Variants in SOD1 observed in about 807,000 individuals in gnomAD.
SOD1 encodes the protein superoxide dismutase 1.
SOD1 carries 8 observed loss-of-function variants against 15.9 expected under a neutral mutation model. The ratio of observed to expected loss-of-function variants is 0.50; its 90% CI spans 0.30 to 0.91. The LOEUF is 0.91. SOD1 is among the 40% of genes least tolerant of loss of function. SOD1 has a pLI of 0.07. For synonymous variants in SOD1, 86 were observed against 71.2 expected (o/e 1.21, Z -1.04); for missense variants, 137 against 194.5 (o/e 0.70, Z 1.76).
chr21:31,667,649 A>C (rs1302716095), intron 4 of SOD1, among the ~76,000 whole-genome samples: 1 of 152,234 alleles, frequency 6.6e-6, no homozygotes, highest in Non-Finnish European at 1.5e-5. Flanking sequence ...CTTTAGTTTT[A>C]AAATGGCCAG....
At position 31,666,523 on chromosome 21, in the gene SOD1, C is replaced by T. The variant is rs1160853166; in HGVS notation, c.239+5C>T. 16 of 1,599,568 alleles carry T rather than the reference C, an allele frequency of 1.0e-5. No homozygotes were observed. The highest frequency in any genetic ancestry group is 4.0e-5 in the African/African-American group (3 of 74,608). The stretch of plus-strand genomic sequence containing the variant: ...TGGGCCAAAGGATGAAGAGAGGTAA[C>T]AAGATGCTTAACTCTTGTAATAATG... On this transcript the variant is annotated splice_donor_5th_base_variant and intron_variant, in intron 3 of 4. Transcript: ENST00000270142.
At chr21:31,668,006 A>G (rs1482791852) in intron 4 of SOD1, among the ~76,000 whole-genome samples, 3 of 113,942 alleles carry the variant, frequency 2.6e-5, no homozygotes, top group Admixed American at 9.8e-5. Flanking sequence ...AATTCAAAAT[A>G]CTGTTGCTTA....
chr21:31,662,977 T>TG (rs1568808842), intron 1 of SOD1, among the ~76,000 whole-genome samples: 1 of 150,578 alleles, frequency 6.6e-6, no homozygotes, highest in Non-Finnish European at 1.5e-5. Flanking sequence ...ATCATGTCAC[T>TG]GCACTCCAGC....
intron 2 of SOD1, chr21:31,664,594 G>A (rs2049577395): frequency 6.5e-6 from 1 of 153,400 alleles, no homozygotes. Context: ...TTGTCTTACA[G>A]CATCATTGTA....
chr21:31,663,742 T>A (rs766078896), intron 1 of SOD1, 48 bp from the exon 2 acceptor site: 2 of 1,391,468 alleles, frequency 1.4e-6, no homozygotes, highest in South Asian at 2.3e-5. Context: ...GTAAATCAGC[T>A]GTTTTCTTTG....
chr21:31,667,408 TC>T, intron 4 of SOD1, 33 bp downstream of exon 4: 2 of 1,358,614 alleles, frequency 1.5e-6, no homozygotes, highest in Non-Finnish European at 2.1e-6. Context: ...GCATAAAACT[TC>T]TTCTAACATA....
chr21:31,660,708 G>GGTGA (rs998362330), intron 1 of SOD1: 17 of 152,180 alleles, frequency 1.1e-4, no homozygotes, highest in African/African-American at 4.1e-4. Flanking sequence ...CCTAGTGCAG[G>GGTGA]GTGAGTATTG....
chr21:31,663,372 T>C (rs1281527644), intron 1 of SOD1, among the ~76,000 whole-genome samples: 2 of 152,180 alleles, frequency 1.3e-5, no homozygotes, highest in East Asian at 3.8e-4. Context: ...TACATGTATA[T>C]TCAACATGTA....
intron 1 of SOD1, 138 bp downstream of exon 1, chr21:31,659,979 G>C (rs2049533750): frequency 1.3e-6 from 1 of 748,430 alleles, no homozygotes; most frequent in Admixed American, 3.0e-5. Flanking sequence ...CGTGCCGCCC[G>C]GTCGGTGCCT....
chr21:31,667,750 T>C lies in SOD1; in HGVS notation c.357+375T>C, dbSNP rs117466144. Among the ~76,000 whole-genome samples the C allele has an allele frequency of 2.6e-5, 4 of 152,334 alleles. No individual in the cohort carries two copies. In the East Asian group the frequency reaches 7.7e-4, roughly 29 times the overall value. Reference sequence around the variant, plus strand: ...GATGGACTTAAGTATTCATGTTCATTCATGTTCATTCAGGACTGCAGGTTA... The same window carrying C: ...GATGGACTTAAGTATTCATGTTCATCCATGTTCATTCAGGACTGCAGGTTA... On this transcript the variant is annotated intron_variant, in intron 4 of 4. Coordinates refer to ENST00000270142, the MANE Select transcript of SOD1 (RefSeq NM_000454.5).
intron 4 of SOD1, among the ~76,000 whole-genome samples, chr21:31,668,043 CCTTA>C (rs1181648465): frequency 2.0e-5 from 3 of 152,032 alleles, no homozygotes; most frequent in East Asian, 1.9e-4. Flanking sequence ...TAGGATTATA[CCTTA>C]CTTATAGGCC....
chr21:31,667,054 C>A, intron 3 of SOD1: 1 of 611,516 alleles, frequency 1.6e-6, no homozygotes, highest in South Asian at 1.9e-5. Flanking sequence ...CCCTTTGGTA[C>A]TTCTGAAATC....
chr21:31,664,015 A>G, intron 2 of SOD1, 129 bp downstream of exon 2: 1 of 709,726 alleles, frequency 1.4e-6, no homozygotes, highest in East Asian at 2.9e-5. Context: ...TCTGTCGCTC[A>G]GGCTGGAGTG....
Position 31,665,645 on chromosome 21 carries a change from C to T in SOD1, c.170-804C>T, listed in dbSNP as rs118132937. On this transcript the variant is annotated intron_variant, in intron 2 of 4. Coordinates refer to ENST00000270142, the MANE Select transcript of SOD1 (RefSeq NM_000454.5). Reference sequence around the variant, plus strand: ...TGTCATCCCCTGGTGCACAGCAGCACCTTCTACACAGGATACAGTTGGAAT... The same window carrying T: ...TGTCATCCCCTGGTGCACAGCAGCATCTTCTACACAGGATACAGTTGGAAT... 7.9e-3 allele frequency among the ~76,000 whole-genome samples: 1,198 copies of T among 152,276 alleles called. 4 individuals carry two copies. Among genetic ancestry groups the T allele is most frequent in the Non-Finnish European group, 0.013 (887 of 68,022 alleles).
chr21:31,667,206 T>C, intron 3 of SOD1, 52 bp from the exon 4 acceptor site: 1 of 1,396,268 alleles, frequency 7.2e-7, no homozygotes. Context: ...ATGAACTACC[T>C]TGATGTTTAG....
intron 1 of SOD1, among the ~76,000 whole-genome samples, chr21:31,662,896 T>A (rs548565552): frequency 6.6e-6 from 1 of 151,974 alleles, no homozygotes; most frequent in Non-Finnish European, 1.5e-5. Flanking sequence ...GCGCCTGTAG[T>A]CCCAGCTACT....
intron 3 of SOD1, chr21:31,666,842 G>A: frequency 2.4e-6 from 1 of 411,948 alleles, no homozygotes. Context: ...TCATCATTGT[G>A]AAACATAGGA....
chr21:31,666,906 T>C, intron 3 of SOD1: 1 of 401,730 alleles, frequency 2.5e-6, no homozygotes. Flanking sequence ...GAGACTCCAT[T>C]TATATGTGTA....
rs1451495786 is a variant in SOD1 at position 31,668,753 on chromosome 21, T to C, written c.*175T>C. The C allele has an allele frequency of 3.3e-6, 2 of 612,274 alleles. No individual in the cohort carries two copies. Among genetic ancestry groups the C allele is most frequent in the Non-Finnish European group, 5.8e-6 (2 of 342,754 alleles). 37.9% of individuals were successfully genotyped at this position (612,274 alleles called of 1,614,324 possible). On this transcript the variant is annotated 3_prime_UTR_variant, in exon 5 of 5. Coordinates refer to ENST00000270142, the MANE Select transcript of SOD1 (RefSeq NM_000454.5). ...AACTGATTTATGATCACTTGGAAGA[T>C]TTGTATAGTTTTATAAAACTCAGTT... is the stretch of plus-strand genomic sequence containing the variant.
Sources: allele counts gnomAD v4.1 joint callset (sites outside exome capture counted in the v4.1 genomes callset), GRCh38; gene constraint gnomAD v4.1.1; transcripts MANE v1.5; gene names NCBI Gene and HGNC (gene_info 2026-07-23, HGNC 2026-07-21).